The following LHFPL3 variants were observed in gnomAD, a reference collection of about 807,000 sequenced individuals.
LHFPL3 encodes the protein LHFPL tetraspan subfamily member 3 protein.
In LHFPL3, 5 loss-of-function variants were observed where a neutral mutation model predicts 19.3. The observed-to-expected ratio is 0.26, with a 90% confidence interval of 0.14 to 0.54. LHFPL3 has a LOEUF of 0.54. Among genes scored for constraint, LHFPL3 ranks in the 20% least tolerant of loss-of-function variants. The pLI is 0.94. For synonymous variants in LHFPL3, 133 were observed against 126.2 expected (o/e 1.05, Z -0.36); for missense variants, 249 against 307.4 (o/e 0.81, Z 1.42).
At chr7:104,503,963 T>G (rs1308590651) in intron 1 of LHFPL3, among the ~76,000 whole-genome samples, 1 of 152,146 alleles carries the variant, frequency 6.6e-6, no homozygotes, top group Non-Finnish European at 1.5e-5. Flanking sequence ...TCTTATTTTG[T>G]TTTTATTTGG....
At chr7:104,363,471 T>A (rs1790428662) in intron 1 of LHFPL3, among the ~76,000 whole-genome samples, 1 of 152,254 alleles carries the variant, frequency 6.6e-6, no homozygotes, top group African/African-American at 2.4e-5. Context: ...TCCTTACTTC[T>A]CTGATGACGT....
rs76211142 is a variant in LHFPL3 at position 104,580,318 on chromosome 7, T to C, written c.446-156357T>C. Among the ~76,000 whole-genome samples, 612 of 152,300 alleles carry C rather than the reference T, an allele frequency of 4.0e-3. 34 individuals carry two copies. The East Asian group carries it at 0.099, about 25-fold the overall frequency. ...TGAAGTACAATGTTATTTTTTTCTT[T>C]TCCCAAACATTTTATTATGAAAATT... On this transcript the variant is annotated intron_variant, in intron 1 of 2. Coordinates refer to ENST00000424859, the MANE Select transcript of LHFPL3 (RefSeq NM_199000.3).
In LHFPL3 at chr7:104,862,961, C is replaced by G. The variant is rs181703596; in HGVS notation, c.683-43226C>G. ...GTATGTGTAGAAAGATGTTGTATAA[C>G]TGAGAAACCGAGTGTCTGTACACCA... On this transcript the variant is annotated intron_variant, in intron 2 of 2. Coordinates refer to ENST00000424859, the MANE Select transcript of LHFPL3 (RefSeq NM_199000.3). Among the ~76,000 whole-genome samples the G allele has an allele frequency of 1.8e-3, 270 of 152,310 alleles. 1 individual carries two copies. The highest frequency in any genetic ancestry group is 2.2e-3 in the Admixed American group (33 of 15,300).
At chr7:104,607,612 A>G (rs1791127428) in intron 1 of LHFPL3, among the ~76,000 whole-genome samples, 2 of 152,198 alleles carry the variant, frequency 1.3e-5, no homozygotes, top group Admixed American at 1.3e-4. Flanking sequence ...CTAAAACACC[A>G]AAAGCAATGG....
At chr7:104,427,698 C>G (rs1387763136) in intron 1 of LHFPL3, among the ~76,000 whole-genome samples, 2 of 152,204 alleles carry the variant, frequency 1.3e-5, no homozygotes, top group African/African-American at 4.8e-5. Flanking sequence ...CATGTACTCT[C>G]TCTCCATTTG....
At position 104,676,496 on chromosome 7, in the gene LHFPL3, T is replaced by A. The variant is rs1481214502; in HGVS notation, c.446-60179T>A. On this transcript the variant is annotated intron_variant, in intron 1 of 2. Transcript: ENST00000424859. Reference sequence around the variant, plus strand: ...GTAAAAGCAAAGATATAATGAAAAGTCTCATCCATAAACTTCCCATGTGAT... The same window carrying A: ...GTAAAAGCAAAGATATAATGAAAAGACTCATCCATAAACTTCCCATGTGAT... 3.9e-5 allele frequency among the ~76,000 whole-genome samples: 6 copies of A among 152,218 alleles called. No homozygotes were observed. In the East Asian group the frequency reaches 1.2e-3, roughly 29 times the overall value.
In LHFPL3 at chr7:104,906,784, T is replaced by C. The variant is rs1792623317; in HGVS notation, c.*569T>C. On this transcript the variant is annotated 3_prime_UTR_variant, in exon 3 of 3. Coordinates refer to ENST00000424859, the MANE Select transcript of LHFPL3 (RefSeq NM_199000.3). ...TCTCTACCATTCATTTACTTCACTG[T>C]GTAATTAGTTACAACCACTCAGTTA... is the stretch of plus-strand genomic sequence containing the variant. 1 of 153,052 alleles carries C rather than the reference T, an allele frequency of 6.5e-6. No homozygotes were observed. Among genetic ancestry groups the C allele is most frequent in the Non-Finnish European group, 1.5e-5 (1 of 68,334 alleles). The allele number at this position is 153,052 out of a possible 1,614,324, so 9.5% of individuals were successfully genotyped here.
intron 1 of LHFPL3, among the ~76,000 whole-genome samples, chr7:104,734,321 C>T (rs1272931694): frequency 2.6e-5 from 4 of 152,170 alleles, no homozygotes; most frequent in Non-Finnish European, 5.9e-5. Context: ...TGTTTTCCAA[C>T]TTGGTTCCAT....
chr7:104,827,596 A>G (rs1364877735), intron 2 of LHFPL3, among the ~76,000 whole-genome samples: 4 of 151,214 alleles, frequency 2.6e-5, no homozygotes, highest in Non-Finnish European at 2.9e-5. Context: ...ACTGTCTCAA[A>G]TATCTGTTTT....
At chr7:104,424,671 G>A (rs139297467) in intron 1 of LHFPL3, among the ~76,000 whole-genome samples, 19 of 152,292 alleles carry the variant, frequency 1.2e-4, no homozygotes, top group African/African-American at 4.1e-4. Flanking sequence ...TGCCTGCAAT[G>A]CACAGGACAG....
intron 1 of LHFPL3, among the ~76,000 whole-genome samples, chr7:104,707,621 A>C (rs759752071): frequency 4.1e-4 from 62 of 152,150 alleles, no homozygotes; most frequent in South Asian, 1.0e-3. Flanking sequence ...GAGGAGTTTT[A>C]AATAGAGCTG....
chr7:104,708,897 G>C (rs967101155), intron 1 of LHFPL3, among the ~76,000 whole-genome samples: 1 of 152,008 alleles, frequency 6.6e-6, no homozygotes, highest in African/African-American at 2.4e-5. Context: ...GAAAAAATTA[G>C]ATTTGTCTTC....
chr7:104,788,732 G>A (rs534514375), intron 2 of LHFPL3, among the ~76,000 whole-genome samples: 50 of 152,264 alleles, frequency 3.3e-4, no homozygotes, highest in African/African-American at 1.1e-3. Flanking sequence ...GCATGTAACC[G>A]TTTGCGAGCA....
chr7:104,881,169 CA>C (rs60361178), intron 2 of LHFPL3, among the ~76,000 whole-genome samples: 51,582 of 91,606 alleles, frequency 0.56, 10,246 homozygotes, highest in East Asian at 0.9. Context: ...GATTCCATCT[CA>C]AAAAAAAAAA....
At chr7:104,595,860 T>G (rs1342257591) in intron 1 of LHFPL3, among the ~76,000 whole-genome samples, 3 of 152,256 alleles carry the variant, frequency 2.0e-5, no homozygotes, top group Non-Finnish European at 4.4e-5. Flanking sequence ...GCATGGGCAC[T>G]GCTGAGCCAG....
intron 1 of LHFPL3, among the ~76,000 whole-genome samples, chr7:104,695,340 A>G (rs1792978702): frequency 6.6e-6 from 1 of 152,182 alleles, no homozygotes; most frequent in African/African-American, 2.4e-5. Context: ...CAGATGAGCC[A>G]CTCCTATTCA....
chr7:104,371,826 T>C (rs1034636887), intron 1 of LHFPL3, among the ~76,000 whole-genome samples: 3 of 152,214 alleles, frequency 2.0e-5, no homozygotes, highest in Admixed American at 6.5e-5. Context: ...GTCTGGAATA[T>C]GCACATAGCA....
intron 2 of LHFPL3, among the ~76,000 whole-genome samples, chr7:104,850,647 A>C (rs116438271): frequency 0.012 from 1,827 of 152,308 alleles, 37 homozygotes; most frequent in African/African-American, 0.041. Context: ...CTCAAAATGT[A>C]GTCTCCAGAC....
chr7:104,543,062 A>G (rs893899346), intron 1 of LHFPL3, among the ~76,000 whole-genome samples: 11 of 152,098 alleles, frequency 7.2e-5, no homozygotes, highest in African/African-American at 2.7e-4. Flanking sequence ...ACAGAAAACC[A>G]AACACCGCAT....
Sources: gnomAD v4.1 joint callset for allele counts (sites outside exome capture counted in the v4.1 genomes callset) on GRCh38, gnomAD v4.1.1 for gene constraint, MANE v1.5 for transcripts, NCBI Gene and HGNC (gene_info 2026-07-23, HGNC 2026-07-21) for gene names.